Variants in AQP7B observed in about 807,000 individuals in gnomAD.
AQP7B encodes aquaporin 7B, also known as putative aquaporin-7B.
At chr2:94,594,759 C>T in the AQP7B span, 1 of 1,583,156 alleles carries the variant, frequency 6.3e-7, no homozygotes, top group Non-Finnish European at 8.7e-7. Context: ...CCCGTGGCTC[C>T]AAAATGGTCT....
the AQP7B span, among the ~76,000 whole-genome samples, chr2:94,591,170 T>A: frequency 1.8e-4 from 27 of 152,030 alleles, no homozygotes; most frequent in Middle Eastern, 3.4e-3. Context: ...TGATTTGCTG[T>A]CCTCCAAATG....
chr2:94,603,550 G>T, the AQP7B span: 1 of 1,556,460 alleles, frequency 6.4e-7, no homozygotes, highest in East Asian at 2.3e-5. Flanking sequence ...CACCCCTCAG[G>T]ACAGAGCCAG....
the AQP7B span, chr2:94,602,597 G>A: frequency 2.4e-4 from 390 of 1,595,452 alleles, no homozygotes; most frequent in Non-Finnish European, 3.3e-4. Context: ...GGGAGTCCAC[G>A]TGGCAGGCCG....
chr2:94,590,226 A>T, the AQP7B span, among the ~76,000 whole-genome samples: 1 of 152,194 alleles, frequency 6.6e-6, no homozygotes, highest in South Asian at 2.1e-4. Flanking sequence ...TCTGTTGCCC[A>T]TGCTGAAGTG....
At chr2:94,597,365 A>G in the AQP7B span, among the ~76,000 whole-genome samples, 16 of 152,102 alleles carry the variant, frequency 1.1e-4, no homozygotes, top group Admixed American at 6.5e-4. Context: ...ACCTGCCCAC[A>G]TCTGTGTTTC....
chr2:94,600,313 A>G, the AQP7B span, among the ~76,000 whole-genome samples: 1 of 152,240 alleles, frequency 6.6e-6, no homozygotes, highest in Non-Finnish European at 1.5e-5. Context: ...AATGCAAACC[A>G]TCTGTATAAT....
the AQP7B span, chr2:94,603,517 T>G: frequency 2.5e-6 from 4 of 1,600,570 alleles, no homozygotes; most frequent in Non-Finnish European, 3.4e-6. Flanking sequence ...TGGTCCAGGA[T>G]GAGTACCCCT....
the AQP7B span, chr2:94,603,913 G>A: frequency 3.9e-6 from 5 of 1,295,600 alleles, no homozygotes; most frequent in Non-Finnish European, 5.5e-6. Flanking sequence ...TGCTGGCTGG[G>A]GCAAACAGGT....
At chr2:94,601,292 T>C in the AQP7B span, among the ~76,000 whole-genome samples, 32 of 152,184 alleles carry the variant, frequency 2.1e-4, no homozygotes, top group Non-Finnish European at 3.5e-4. Flanking sequence ...AGTTTCTGGC[T>C]CGGCCAACGG....
the AQP7B span, among the ~76,000 whole-genome samples, chr2:94,597,395 T>C: frequency 6.6e-6 from 1 of 152,168 alleles, no homozygotes; most frequent in African/African-American, 2.4e-5. Flanking sequence ...TGTTGAGATT[T>C]TCATTGAGCA....
At chr2:94,587,589 T>G in the AQP7B span, among the ~76,000 whole-genome samples, 1 of 152,148 alleles carries the variant, frequency 6.6e-6, no homozygotes, top group Admixed American at 6.5e-5. Flanking sequence ...TGTTGCTGTG[T>G]GACACAGGCA....
chr2:94,599,185 C>T, the AQP7B span, among the ~76,000 whole-genome samples: 2 of 152,222 alleles, frequency 1.3e-5, no homozygotes, highest in Non-Finnish European at 2.9e-5. Context: ...CCCTCCATGC[C>T]TCCTCCAGTC....
chr2:94,588,530 A>T, the AQP7B span: 1 of 860,014 alleles, frequency 1.2e-6, no homozygotes, highest in South Asian at 1.5e-5. Context: ...ACATGGTTCA[A>T]GCATCTGGGC....
chr2:94,603,156 A>G, the AQP7B span: 3 of 1,524,096 alleles, frequency 2.0e-6, no homozygotes, highest in Admixed American at 5.7e-5. Flanking sequence ...AGCTGCCACC[A>G]TCTACAGTCT....
chr2:94,591,740 T>C, the AQP7B span, among the ~76,000 whole-genome samples: 1 of 152,144 alleles, frequency 6.6e-6, no homozygotes, highest in Non-Finnish European at 1.5e-5. Context: ...TTTGCACATG[T>C]CAGTCCTACG....
the AQP7B span, chr2:94,603,943 C>G: frequency 8.2e-7 from 1 of 1,218,960 alleles, no homozygotes; most frequent in African/African-American, 1.5e-5. Context: ...CTGCCCCTGC[C>G]CAGGCCCATT....
the AQP7B span, chr2:94,588,591 C>T: frequency 7.3e-6 from 5 of 683,080 alleles, no homozygotes; most frequent in Non-Finnish European, 1.3e-5. Context: ...CCCTGTCCTC[C>T]ACCCAGCCCA....
the AQP7B span, among the ~76,000 whole-genome samples, chr2:94,601,858 C>T: frequency 6.6e-6 from 1 of 151,964 alleles, no homozygotes; most frequent in Non-Finnish European, 1.5e-5. Flanking sequence ...GGGTAATGGG[C>T]CTGAAGGTAG....
chr2:94,594,409 C>T, the AQP7B span, among the ~76,000 whole-genome samples: 10 of 152,356 alleles, frequency 6.6e-5, no homozygotes, highest in African/African-American at 2.4e-4. Flanking sequence ...TGCTCTCTCC[C>T]ACCCTGCTTT....
Sources: allele counts gnomAD v4.1 joint callset (sites outside exome capture counted in the v4.1 genomes callset), GRCh38; gene constraint gnomAD v4.1.1; transcripts MANE v1.5; gene names NCBI Gene and HGNC (gene_info 2026-07-23, HGNC 2026-07-21).